Variants in CHST9 observed in about 807,000 individuals in gnomAD.
The protein encoded by CHST9 is GalNAc-4-sulfotransferase 2.
A neutral mutation model predicts 44.4 loss-of-function variants in CHST9; 41 were observed. That is an observed-to-expected ratio of 0.92 (90% confidence interval 0.72 to 1.20). The LOEUF (loss-of-function observed/expected upper bound fraction) is 1.20, where lower values mean the gene tolerates loss of function less well. Ranked by LOEUF, CHST9 falls within the 50% of genes most tolerant of loss-of-function variation. The pLI, the probability that CHST9 is intolerant of heterozygous loss-of-function variation, is 0.00. For missense variants in CHST9, 504 were observed against 516.5 expected (o/e 0.98, Z 0.23); for synonymous variants, 171 against 178.4 (o/e 0.96, Z 0.33).
intron 5 of CHST9, among the ~76,000 whole-genome samples, chr18:26,938,862 G>A (rs906461755): frequency 6.6e-6 from 1 of 152,252 alleles, no homozygotes; most frequent in South Asian, 2.1e-4. Context: ...ACCTGGGAGG[G>A]GAAGGAAGGA....
At chr18:27,104,601 A>G (rs2058204686) in intron 2 of CHST9, among the ~76,000 whole-genome samples, 1 of 152,220 alleles carries the variant, frequency 6.6e-6, no homozygotes, top group African/African-American at 2.4e-5. Context: ...CTGATGGTGC[A>G]TCTCTACACC....
chr18:27,108,260 G>A (rs2058239588), intron 2 of CHST9, among the ~76,000 whole-genome samples: 1 of 152,092 alleles, frequency 6.6e-6, no homozygotes, highest in African/African-American at 2.4e-5. Flanking sequence ...CTCTGCTGAG[G>A]TGTTGTGTTG....
rs28655414 is a variant in CHST9 at position 26,969,734 on chromosome 18, G to A, written c.203-25368C>T. ...TAGGGTGATGAGCTAGAGAGTGAGG[G>A]AGGAGGGAGGTATTTTAGATAAGTT... On this transcript the variant is annotated intron_variant, in intron 4 of 5. Transcript: ENST00000618847. Among the ~76,000 whole-genome samples, 200 of 152,308 alleles carry A rather than the reference G, an allele frequency of 1.3e-3. 1 individual carries two copies. Among genetic ancestry groups the A allele is most frequent in the African/African-American group, 4.5e-3 (188 of 41,562 alleles).
chr18:27,159,753 C>A (rs1178186197), intron 1 of CHST9, among the ~76,000 whole-genome samples: 1 of 152,110 alleles, frequency 6.6e-6, no homozygotes, highest in African/African-American at 2.4e-5. Context: ...ATGGAATGTT[C>A]TTCCATTTGT....
At chr18:27,071,932 T>TA (rs1158898763) in intron 2 of CHST9, among the ~76,000 whole-genome samples, 3 of 152,234 alleles carry the variant, frequency 2.0e-5, no homozygotes, top group Non-Finnish European at 4.4e-5. Flanking sequence ...TCTAATGTGA[T>TA]ATATTTTATT....
chr18:27,044,067 C>CA lies in CHST9; in HGVS notation c.160+4397_160+4398insT, dbSNP rs544370557. ...CTTTGGACAGCGAGCCCTTCCCCCC[C>CA]CTTTATTTTAACCTGGTAAACTACT... On this transcript the variant is annotated intron_variant, in intron 3 of 5. Transcript: ENST00000618847. Among the ~76,000 whole-genome samples, 22 of 125,026 alleles carry CA rather than the reference C, an allele frequency of 1.8e-4. No homozygotes were observed. In the South Asian group the frequency reaches 2.0e-3, roughly 12 times the overall value. 82.0% of individuals were successfully genotyped at this position (125,026 alleles called of 152,430 possible). A position where few individuals can be genotyped will look rare whatever the true frequency, so the allele number is the denominator to read the frequency against.
intron 4 of CHST9, among the ~76,000 whole-genome samples, chr18:26,966,537 T>C (rs996710939): frequency 2.0e-5 from 3 of 152,202 alleles, no homozygotes; most frequent in African/African-American, 7.2e-5. Context: ...TAAACGTCTT[T>C]GATGAAATGA....
intron 2 of CHST9, among the ~76,000 whole-genome samples, chr18:27,061,416 G>A (rs981688694): frequency 2.6e-5 from 4 of 152,154 alleles, no homozygotes; most frequent in African/African-American, 4.8e-5. Context: ...AATTGTAGGC[G>A]TGAGACTCTT....
intron 2 of CHST9, among the ~76,000 whole-genome samples, chr18:27,095,269 C>G (rs72882398): frequency 0.068 from 10,288 of 152,144 alleles, 437 homozygotes; most frequent in East Asian, 0.14. Context: ...TCATCATTCT[C>G]TAATCTAGCA....
chr18:27,007,052 A>G (rs900971061), intron 4 of CHST9, among the ~76,000 whole-genome samples: 1 of 152,186 alleles, frequency 6.6e-6, no homozygotes, highest in African/African-American at 2.4e-5. Context: ...AAAATTCCAC[A>G]TTCAACAGGC....
At chr18:27,133,187 T>C (rs1469404533) in intron 2 of CHST9, among the ~76,000 whole-genome samples, 2 of 152,230 alleles carry the variant, frequency 1.3e-5, no homozygotes, top group African/African-American at 2.4e-5. Context: ...TGGCAGTTCC[T>C]GGTACCACTT....
chr18:26,931,074 A>G (rs2055870216), intron 5 of CHST9, among the ~76,000 whole-genome samples: 1 of 152,196 alleles, frequency 6.6e-6, no homozygotes, highest in African/African-American at 2.4e-5. Context: ...TTGTTGATGC[A>G]TCCAACTGCA....
chr18:27,147,447 A>T (rs904935734), intron 1 of CHST9, among the ~76,000 whole-genome samples: 1 of 152,152 alleles, frequency 6.6e-6, no homozygotes, highest in Admixed American at 6.5e-5. Context: ...AGTTTAGCAG[A>T]AAAGAAACCA....
intron 3 of CHST9, among the ~76,000 whole-genome samples, chr18:27,033,643 C>G (rs181354274): frequency 6.6e-6 from 1 of 152,134 alleles, no homozygotes; most frequent in Non-Finnish European, 1.5e-5. Context: ...AATAAAGTCT[C>G]TTTTTGTTTT....
Position 26,944,505 on chromosome 18 carries a change from A to G in CHST9, c.203-139T>C, listed in dbSNP as rs535587750. On this transcript the variant is annotated intron_variant, in intron 4 of 5. Coordinates refer to ENST00000618847, the MANE Select transcript of CHST9 (RefSeq NM_031422.6). The stretch of plus-strand genomic sequence containing the variant: ...AGCAAGGATTTCTATCACAATGTGG[A>G]TGTTTACAACCACTTCAATAACTGG... The G allele has an allele frequency of 9.8e-5, 63 of 643,372 alleles. 1 individual carries two copies. The South Asian group carries it at 1.2e-3, about 12-fold the overall frequency. 39.9% of individuals were successfully genotyped at this position (643,372 alleles called of 1,614,324 possible). A position where few individuals can be genotyped will look rare whatever the true frequency, so the allele number is the denominator to read the frequency against.
intron 4 of CHST9, among the ~76,000 whole-genome samples, chr18:27,022,166 A>G (rs114181461): frequency 1.8e-4 from 28 of 152,292 alleles, no homozygotes; most frequent in African/African-American, 6.7e-4. Flanking sequence ...TATGTGACCT[A>G]CCCATGTTGC....
rs10438990 is a variant in CHST9 at position 26,965,659 on chromosome 18, A to G, written c.203-21293T>C. Among the ~76,000 whole-genome samples, 312 of 152,356 alleles carry G rather than the reference A, an allele frequency of 2.0e-3. 2 individuals are homozygous for G. Among genetic ancestry groups the G allele is most frequent in the African/African-American group, 7.3e-3 (304 of 41,586 alleles). On this transcript the variant is annotated intron_variant, in intron 4 of 5. Coordinates refer to ENST00000618847, the MANE Select transcript of CHST9 (RefSeq NM_031422.6). ...ACTGCATGGTATTGCTATGAAGACT[A>G]AATGAATAATGTGTGCCATGTATCT...
intron 2 of CHST9, among the ~76,000 whole-genome samples, chr18:27,134,991 A>G (rs2058501820): frequency 6.6e-6 from 1 of 152,176 alleles, no homozygotes; most frequent in Admixed American, 6.5e-5. Context: ...TATAGTTAAT[A>G]ACAATATATT....
At chr18:26,982,110 A>G (rs1413740435) in intron 4 of CHST9, among the ~76,000 whole-genome samples, 1 of 152,194 alleles carries the variant, frequency 6.6e-6, no homozygotes, top group Non-Finnish European at 1.5e-5. Context: ...CAGAGTAAAA[A>G]AGACCCATGA....
Sources: allele counts gnomAD v4.1 joint callset (sites outside exome capture counted in the v4.1 genomes callset), GRCh38; gene constraint gnomAD v4.1.1; transcripts MANE v1.5; gene names NCBI Gene and HGNC (gene_info 2026-07-23, HGNC 2026-07-21).